MRAP2: variants seen among roughly 807,000 people sequenced by gnomAD.
MRAP2 encodes the protein melanocortin 2 receptor accessory protein 2.
A neutral mutation model predicts 17.4 loss-of-function variants in MRAP2; 20 were observed. The observed-to-expected ratio is 1.15, with a 90% CI of 0.81 to 1.67. MRAP2 has a LOEUF of 1.67. Among genes scored for constraint, MRAP2 ranks in the 40% most tolerant of loss-of-function variants. The pLI is 0.00. For synonymous variants in MRAP2, 96 were observed against 88.4 expected (o/e 1.09, Z -0.48); for missense variants, 238 against 240.0 (o/e 0.99, Z 0.05).
chr6:84,088,980 C>T (rs2099501155), intron 3 of MRAP2, 111 bp from the exon 4 acceptor site: 1 of 1,206,610 alleles, frequency 8.3e-7, no homozygotes. Context: ...GGCTTACACT[C>T]AATAGGTGCT....
intron 2 of MRAP2, among the ~76,000 whole-genome samples, chr6:84,057,982 C>G (rs1407847921): frequency 1.3e-5 from 2 of 152,058 alleles, no homozygotes; most frequent in Non-Finnish European, 2.9e-5. Context: ...CTGGATCATG[C>G]AAGGAGGCCA....
intron 1 of MRAP2, among the ~76,000 whole-genome samples, chr6:84,041,052 G>T (rs2099487420): frequency 6.6e-6 from 1 of 152,176 alleles, no homozygotes; most frequent in African/African-American, 2.4e-5. Context: ...GGTTTTGTGG[G>T]CTGGGTTCAG....
At chr6:84,098,784 C>T in the MRAP2 span, among the ~76,000 whole-genome samples, 1 of 151,964 alleles carries the variant, frequency 6.6e-6, no homozygotes, top group Non-Finnish European at 1.5e-5. Context: ...GTCTTTGTCC[C>T]ATTGTTTTAT....
chr6:84,034,255 G>T (rs975517300), intron 1 of MRAP2, among the ~76,000 whole-genome samples: 1 of 152,044 alleles, frequency 6.6e-6, no homozygotes, highest in South Asian at 2.1e-4. Flanking sequence ...TCCTTGCTGC[G>T]GCCCTCCTGC....
intron 1 of MRAP2, among the ~76,000 whole-genome samples, chr6:84,042,096 C>T (rs1308678701): frequency 2.0e-5 from 3 of 152,150 alleles, no homozygotes; most frequent in East Asian, 3.9e-4. Flanking sequence ...CAGTTATCCC[C>T]ATGCTGTTCT....
the MRAP2 span, among the ~76,000 whole-genome samples, chr6:84,114,123 C>T: frequency 1.3e-5 from 2 of 152,220 alleles, no homozygotes; most frequent in Non-Finnish European, 2.9e-5. Context: ...GAATGTTGCC[C>T]TGTCTTGCTA....
At chr6:84,076,086 G>T (rs895375251) in intron 3 of MRAP2, among the ~76,000 whole-genome samples, 1 of 151,894 alleles carries the variant, frequency 6.6e-6, no homozygotes, top group Non-Finnish European at 1.5e-5. Flanking sequence ...TTTTGAGATG[G>T]GGTCTCACTC....
the MRAP2 span, chr6:84,125,140 C>T: frequency 6.2e-6 from 10 of 1,613,426 alleles, no homozygotes; most frequent in African/African-American, 4.0e-5. Context: ...GTGCAGCTCT[C>T]GGAGAACATC....
At chr6:84,064,565 G>C (rs921592742) in intron 3 of MRAP2, among the ~76,000 whole-genome samples, 3 of 152,130 alleles carry the variant, frequency 2.0e-5, no homozygotes, top group African/African-American at 7.2e-5. Context: ...TTGGCTCACT[G>C]CAAGCTCCGC....
the MRAP2 span, among the ~76,000 whole-genome samples, chr6:84,143,119 T>G: frequency 6.6e-6 from 1 of 151,964 alleles, no homozygotes; most frequent in African/African-American, 2.4e-5. Flanking sequence ...AGTTAAATAA[T>G]AAATAGTCAC....
At chr6:84,086,641 T>G (rs567063842) in intron 3 of MRAP2, among the ~76,000 whole-genome samples, 1 of 152,166 alleles carries the variant, frequency 6.6e-6, no homozygotes, top group Non-Finnish European at 1.5e-5. Context: ...GAAGGGAGAA[T>G]CAGACACATC....
chr6:84,033,781 G>T lies in MRAP2; in HGVS notation c.-110G>T, dbSNP rs1276086965. 9.1e-6 allele frequency: 9 copies of T among 987,136 alleles called. No homozygotes were observed. Among genetic ancestry groups the T allele is most frequent in the East Asian group, 2.3e-4 (2 of 8,826 alleles). The allele number at this position is 987,136 out of a possible 1,614,324, so 61.1% of individuals were successfully genotyped here. On this transcript the variant is annotated 5_prime_UTR_variant, in exon 1 of 4. Coordinates refer to ENST00000257776, the MANE Select transcript of MRAP2 (RefSeq NM_138409.4). ...CTCGGATCTAGGAGCTACTCGCCCG[G>T]CCCTGGGCGGTGGGAGGCGGCGGCG...
At chr6:84,126,413 T>C in the MRAP2 span, 1 of 1,604,288 alleles carries the variant, frequency 6.2e-7, no homozygotes, top group Non-Finnish European at 8.5e-7. Context: ...GCATGTCTCA[T>C]TTCCATCTGC....
the MRAP2 span, among the ~76,000 whole-genome samples, chr6:84,104,420 C>T: frequency 4.7e-4 from 71 of 152,204 alleles, no homozygotes; most frequent in African/African-American, 1.7e-3. Flanking sequence ...CAAATCTCTG[C>T]AGCTGGCTTG....
chr6:84,099,020 C>T, the MRAP2 span, among the ~76,000 whole-genome samples: 1 of 151,702 alleles, frequency 6.6e-6, no homozygotes, highest in Admixed American at 6.6e-5. Flanking sequence ...AAATCTTTGC[C>T]AAACCCAAGG....
At chr6:84,106,749 T>G in the MRAP2 span, among the ~76,000 whole-genome samples, 1 of 152,182 alleles carries the variant, frequency 6.6e-6, no homozygotes, top group African/African-American at 2.4e-5. Context: ...AACATACTTA[T>G]GCCTTCGGGA....
intron 3 of MRAP2, among the ~76,000 whole-genome samples, chr6:84,074,281 G>A (rs934246893): frequency 6.6e-6 from 1 of 152,196 alleles, no homozygotes; most frequent in African/African-American, 2.4e-5. Flanking sequence ...GAGAATCCTG[G>A]TGATGGGTCA....
In MRAP2 at chr6:84,076,883, G is replaced by A. The variant is rs76939566; in HGVS notation, c.228-12208G>A. 9.4e-3 allele frequency among the ~76,000 whole-genome samples: 1,428 copies of A among 152,252 alleles called. 30 individuals carry two copies. The highest frequency in any genetic ancestry group is 0.032 in the African/African-American group (1,317 of 41,558). ...AGAGCATTACTTGTGTTGTCCCTCTGCAAATGGAAGTGGAAGGAGTCTATC... is the reference window on the plus strand; with the variant it reads ...AGAGCATTACTTGTGTTGTCCCTCTACAAATGGAAGTGGAAGGAGTCTATC... On this transcript the variant is annotated intron_variant, in intron 3 of 3. Coordinates refer to ENST00000257776, the MANE Select transcript of MRAP2 (RefSeq NM_138409.4).
chr6:84,048,554 G>A (rs538309072), intron 1 of MRAP2, among the ~76,000 whole-genome samples: 1 of 152,162 alleles, frequency 6.6e-6, no homozygotes, highest in African/African-American at 2.4e-5. Context: ...TCTAGAAAAG[G>A]CGAGAGTTAA....
Sources: gnomAD v4.1 joint callset for allele counts (sites outside exome capture counted in the v4.1 genomes callset) on GRCh38, gnomAD v4.1.1 for gene constraint, MANE v1.5 for transcripts, NCBI Gene and HGNC (gene_info 2026-07-23, HGNC 2026-07-21) for gene names.